Variants in EFNA5 observed in about 807,000 individuals in gnomAD.
EFNA5 encodes ephrin-A5.
A neutral mutation model predicts 22.9 loss-of-function variants in EFNA5; 5 were observed. The ratio of observed to expected loss-of-function variants is 0.22; its 90% confidence interval spans 0.11 to 0.46. EFNA5 has a LOEUF of 0.46. EFNA5 is among the 20% of genes least tolerant of loss of function. The probability of loss-of-function intolerance (pLI) is 0.99; values close to 1 mark genes in which losing one functional copy is unlikely to be tolerated. For missense variants in EFNA5, 237 were observed against 293.3 expected (o/e 0.81, Z 1.40); for synonymous variants, 113 against 112.2 (o/e 1.01, Z -0.04).
At chr5:107,478,657 CA>C (rs975480727) in intron 1 of EFNA5, among the ~76,000 whole-genome samples, 1 of 152,126 alleles carries the variant, frequency 6.6e-6, no homozygotes, top group African/African-American at 2.4e-5. Flanking sequence ...GGAGAAGTAG[CA>C]GGGGCAAAGG....
chr5:107,513,540 G>C (rs1468898202), intron 1 of EFNA5, among the ~76,000 whole-genome samples: 1 of 152,128 alleles, frequency 6.6e-6, no homozygotes, highest in African/African-American at 2.4e-5. Flanking sequence ...ATTTTAAAAC[G>C]AGAACTACCT....
chr5:107,544,830 T>A (rs1748115418), intron 1 of EFNA5, among the ~76,000 whole-genome samples: 1 of 152,206 alleles, frequency 6.6e-6, no homozygotes, highest in Admixed American at 6.5e-5. Flanking sequence ...CATATTTTAA[T>A]TGCTATTTAA....
chr5:107,563,031 C>T (rs1259018463), intron 1 of EFNA5, among the ~76,000 whole-genome samples: 1 of 152,158 alleles, frequency 6.6e-6, no homozygotes, highest in Non-Finnish European at 1.5e-5. Context: ...CAAAAGTAAT[C>T]ACCCACCAGC....
At chr5:107,529,617 A>C (rs940992562) in intron 1 of EFNA5, among the ~76,000 whole-genome samples, 4 of 152,126 alleles carry the variant, frequency 2.6e-5, no homozygotes, top group African/African-American at 9.7e-5. Context: ...CTGAAATGCA[A>C]CCTTTTTGGT....
chr5:107,485,880 G>A (rs1561407834), intron 1 of EFNA5, among the ~76,000 whole-genome samples: 3 of 152,044 alleles, frequency 2.0e-5, no homozygotes, highest in Admixed American at 2.0e-4. Context: ...AGATCTTTGT[G>A]TGCTTATTTT....
At chr5:107,382,074 G>A (rs1298406672) in intron 4 of EFNA5, among the ~76,000 whole-genome samples, 2 of 152,196 alleles carry the variant, frequency 1.3e-5, no homozygotes, top group Non-Finnish European at 2.9e-5. Context: ...TTATCGGGCT[G>A]AAGCTTGGCA....
chr5:107,385,369 A>G (rs1403271709), intron 4 of EFNA5, among the ~76,000 whole-genome samples: 1 of 152,226 alleles, frequency 6.6e-6, no homozygotes, highest in Non-Finnish European at 1.5e-5. Flanking sequence ...CCTATGCTAT[A>G]GACAGGCAGT....
chr5:107,549,158 G>A (rs1166523332), intron 1 of EFNA5, among the ~76,000 whole-genome samples: 1 of 152,060 alleles, frequency 6.6e-6, no homozygotes, highest in Non-Finnish European at 1.5e-5. Context: ...ACATTTCAGA[G>A]TAAGAAAAAA....
chr5:107,383,023 T>C (rs1330447640), intron 4 of EFNA5, among the ~76,000 whole-genome samples: 1 of 152,210 alleles, frequency 6.6e-6, no homozygotes, highest in Non-Finnish European at 1.5e-5. Flanking sequence ...TGTCCTAAAG[T>C]AACCACTTTT....
chr5:107,464,728 A>G (rs1177202937), intron 1 of EFNA5, among the ~76,000 whole-genome samples: 1 of 152,154 alleles, frequency 6.6e-6, no homozygotes, highest in Non-Finnish European at 1.5e-5. Flanking sequence ...CAAATTAACT[A>G]CCAGTCCCCA....
chr5:107,411,717 C>T (rs1397985363), intron 2 of EFNA5, among the ~76,000 whole-genome samples: 2 of 152,104 alleles, frequency 1.3e-5, no homozygotes, highest in Non-Finnish European at 2.9e-5. Context: ...AATCATGGCT[C>T]ACACCAACTA....
Position 107,609,457 on chromosome 5 carries a change from C to T in EFNA5, c.125+61032G>A, listed in dbSNP as rs552894449. Among the ~76,000 whole-genome samples the T allele has an allele frequency of 2.7e-4, 41 of 152,190 alleles. No individual in the cohort carries two copies. The South Asian group carries it at 8.5e-3, about 32-fold the overall frequency. ...TTGATCTTTCTCTCCTGGTTATTAA[C>T]ATTAGCGGCAGGAGTAGTAGATCCA... On this transcript the variant is annotated intron_variant, in intron 1 of 4. Transcript: ENST00000333274.
chr5:107,597,784 C>T (rs10056406), intron 1 of EFNA5, among the ~76,000 whole-genome samples: 23,149 of 151,946 alleles, frequency 0.15, 4,458 homozygotes, highest in African/African-American at 0.46. Context: ...AAAGGGGAAA[C>T]GATATATATT....
At chr5:107,587,364 T>C (rs1055208465) in intron 1 of EFNA5, among the ~76,000 whole-genome samples, 2 of 152,086 alleles carry the variant, frequency 1.3e-5, no homozygotes, top group East Asian at 1.9e-4. Context: ...ACTTGTATGC[T>C]GGGAAAAAAA....
intron 1 of EFNA5, among the ~76,000 whole-genome samples, chr5:107,526,310 C>T (rs1747695396): frequency 6.6e-6 from 1 of 152,178 alleles, no homozygotes; most frequent in South Asian, 2.1e-4. Context: ...GAAGAGAAGC[C>T]TGATCCCAGT....
chr5:107,670,721 A>C lies in EFNA5; in HGVS notation c.-108T>G. 3.5e-6 allele frequency: 5 copies of C among 1,438,066 alleles called. No homozygotes were observed. The highest frequency in any genetic ancestry group is 4.7e-6 in the Non-Finnish European group (5 of 1,073,964). The allele number at this position is 1,438,066 out of a possible 1,614,324, so 89.1% of individuals were successfully genotyped here. On this transcript the variant is annotated 5_prime_UTR_variant, in exon 1 of 5. The change creates a new upstream start codon in the 5' untranslated region. Transcript: ENST00000333274. ...ACAGAGAGAGAGCGGGCGCCAAATA[A>C]ATATGAATAAATAAAAATGAAAGTG...
At chr5:107,650,912 C>G (rs150843990) in intron 1 of EFNA5, among the ~76,000 whole-genome samples, 1 of 152,170 alleles carries the variant, frequency 6.6e-6, no homozygotes, top group Non-Finnish European at 1.5e-5. Flanking sequence ...AACCAGTCCA[C>G]GAAACATTTA....
At chr5:107,384,937 T>C (rs1372996314) in intron 4 of EFNA5, among the ~76,000 whole-genome samples, 1 of 151,766 alleles carries the variant, frequency 6.6e-6, no homozygotes, top group African/African-American at 2.4e-5. Context: ...CATTTCTTAT[T>C]GTTTTCTTAT....
intron 1 of EFNA5, among the ~76,000 whole-genome samples, chr5:107,533,989 G>T (rs1747876078): frequency 6.6e-6 from 1 of 152,162 alleles, no homozygotes; most frequent in East Asian, 1.9e-4. Flanking sequence ...GATTTCCCCT[G>T]AGAACTATTT....
Sources: gnomAD v4.1 joint callset for allele counts (sites outside exome capture counted in the v4.1 genomes callset) on GRCh38, gnomAD v4.1.1 for gene constraint, MANE v1.5 for transcripts, NCBI Gene and HGNC (gene_info 2026-07-23, HGNC 2026-07-21) for gene names.